TXNRD2: variants seen among roughly 807,000 people sequenced by gnomAD.
TXNRD2 encodes the protein thioredoxin reductase 2.
In TXNRD2, 67 loss-of-function variants were observed where a neutral mutation model predicts 70.8. That is an observed-to-expected ratio of 0.95 (90% CI 0.78 to 1.16). The LOEUF is 1.16. Among genes scored for constraint, TXNRD2 ranks in the 50% most tolerant of loss-of-function variants. TXNRD2 has a pLI of 0.00. For synonymous variants in TXNRD2, 301 were observed against 295.8 expected (o/e 1.02, Z -0.18); for missense variants, 644 against 719.9 (o/e 0.89, Z 1.21).
Position 19,922,769 on chromosome 22 carries a change from C to T in TXNRD2, c.173-3170G>A, listed in dbSNP as rs763803378. 4.5e-4 allele frequency among the ~76,000 whole-genome samples: 68 copies of T among 152,270 alleles called. No homozygotes were observed. In the Middle Eastern group the frequency reaches 0.02, roughly 46 times the overall value. On this transcript the variant is annotated intron_variant, in intron 2 of 17. Transcript: ENST00000400521. ...TGGCGTGATCTTGGCTCACTGCAAC[C>T]TCCACCTCCTGGGTTCAAGCGATTC...
rs574237075 is a variant in TXNRD2 at position 19,904,614 on chromosome 22, C to T, written c.663-5546G>A. On this transcript the variant is annotated intron_variant, in intron 8 of 17. Transcript: ENST00000400521. ...CTCCCGGCAGTGGGCCCCACACAGA[C>T]GTGCGCTGAAAGGAGTTCCTGGTGG... is the stretch of plus-strand genomic sequence containing the variant. 5.9e-4 allele frequency among the ~76,000 whole-genome samples: 90 copies of T among 152,378 alleles called. 3 individuals carry two copies. The South Asian group carries it at 0.017, about 28-fold the overall frequency.
At chr22:19,931,197 A>T in intron 1 of TXNRD2, 99 bp from the exon 2 acceptor site, 3 of 1,067,440 alleles carry the variant, frequency 2.8e-6, no homozygotes, top group Non-Finnish European at 4.3e-6. Flanking sequence ...TGTGATGGTC[A>T]GGGGTGACAA....
At chr22:19,884,939 G>GCAGTTTT (rs1938956504) in intron 11 of TXNRD2, among the ~76,000 whole-genome samples, 1 of 152,170 alleles carries the variant, frequency 6.6e-6, no homozygotes, top group African/African-American at 2.4e-5. Context: ...GAGCTAAGGG[G>GCAGTTTT]CAGTGTCCAA....
chr22:19,885,486 C>G (rs1465655461), intron 11 of TXNRD2, among the ~76,000 whole-genome samples: 1 of 152,234 alleles, frequency 6.6e-6, no homozygotes, highest in African/African-American at 2.4e-5. Flanking sequence ...GTGCTCTGCT[C>G]AGCCGCAGGA....
At position 19,927,492 on chromosome 22, in the gene TXNRD2, C is replaced by G. The variant is rs78332651; in HGVS notation, c.172+3538G>C. On this transcript the variant is annotated intron_variant, in intron 2 of 17. Coordinates refer to ENST00000400521, the MANE Select transcript of TXNRD2 (RefSeq NM_006440.5). ...AACATAGCGAAACCCACCTTCTCCA[C>G]CAAAAAAATACAAAAAGTAGCTGGG... Among the ~76,000 whole-genome samples the G allele has an allele frequency of 6.6e-4, 97 of 147,570 alleles. No homozygotes were observed. In the East Asian group the frequency reaches 0.019, roughly 29 times the overall value.
At chr22:19,922,946 C>G (rs1940972719) in intron 2 of TXNRD2, among the ~76,000 whole-genome samples, 1 of 151,740 alleles carries the variant, frequency 6.6e-6, no homozygotes, top group African/African-American at 2.4e-5. Context: ...CTCGGCCTCC[C>G]AAAGTGCTGG....
At position 19,919,011 on chromosome 22, in the gene TXNRD2, C is replaced by T. The variant is rs768129418; in HGVS notation, c.230-7G>A. On this transcript the variant is annotated splice_region_variant and splice_polypyrimidine_tract_variant and intron_variant, in intron 3 of 17. Transcript: ENST00000400521. ...CCGAGGCCCCACCGGGTGCCTGGGA[C>T]GTGGGAAGAGCACATTTGAATTTAT... is the stretch of plus-strand genomic sequence containing the variant. 1.0e-5 allele frequency: 16 copies of T among 1,607,288 alleles called. No homozygotes were observed. The East Asian group carries it at 2.2e-4, about 22-fold the overall frequency.
At chr22:19,915,055 G>T (rs1940571977) in intron 7 of TXNRD2, 159 bp downstream of exon 7, 1 of 729,856 alleles carries the variant, frequency 1.4e-6, no homozygotes, top group African/African-American at 1.7e-5. Context: ...CAGCAGTGTG[G>T]ATTCAAGAGA....
chr22:19,937,285 TAACA>T (rs892770712), intron 1 of TXNRD2, among the ~76,000 whole-genome samples: 1 of 152,150 alleles, frequency 6.6e-6, no homozygotes, highest in Non-Finnish European at 1.5e-5. Flanking sequence ...ACGGAACAAG[TAACA>T]AAGGTGTGTA....
chr22:19,909,889 A>ACACCCTACCCACACACACCACT (rs1940310104), intron 8 of TXNRD2, among the ~76,000 whole-genome samples: 1 of 40,008 alleles, frequency 2.5e-5, no homozygotes, highest in Non-Finnish European at 3.7e-5. Context: ...CACACCACTC[A>ACACCCTACCCACACACACCACT]CACACACACA....
intron 1 of TXNRD2, among the ~76,000 whole-genome samples, chr22:19,939,106 C>T (rs915306800): frequency 3.3e-5 from 5 of 152,274 alleles, no homozygotes; most frequent in Middle Eastern, 3.4e-3. Context: ...TCAATCCCGT[C>T]TGGGTGCCCA....
chr22:19,896,598 T>C (rs1939517710), intron 10 of TXNRD2, among the ~76,000 whole-genome samples: 1 of 151,930 alleles, frequency 6.6e-6, no homozygotes, highest in African/African-American at 2.4e-5. Flanking sequence ...ACAGAGAGAG[T>C]CCTGCTTCTC....
chr22:19,899,111 C>T, intron 8 of TXNRD2, 43 bp from the exon 9 acceptor site: 5 of 1,605,996 alleles, frequency 3.1e-6, no homozygotes, highest in Non-Finnish European at 4.2e-6. Context: ...AGCTGAGGCC[C>T]TTATTGACCA....
chr22:19,878,499 G>A, intron 14 of TXNRD2, 62 bp from the exon 15 acceptor site: 1 of 1,435,166 alleles, frequency 7.0e-7, no homozygotes, highest in East Asian at 2.3e-5. Context: ...GGCACCTGCA[G>A]CTCCCACAGG....
At chr22:19,924,316 C>T (rs1941035984) in intron 2 of TXNRD2, among the ~76,000 whole-genome samples, 1 of 152,142 alleles carries the variant, frequency 6.6e-6, no homozygotes. Flanking sequence ...TCATCTTCAT[C>T]CTTTATAGCC....
intron 13 of TXNRD2, 123 bp from the exon 14 acceptor site, chr22:19,880,394 G>T: frequency 9.3e-7 from 1 of 1,074,646 alleles, no homozygotes; most frequent in Non-Finnish European, 1.4e-6. Flanking sequence ...CAGGCTGCAA[G>T]CACAGTAGGC....
At chr22:19,901,004 C>T (rs912855599) in intron 8 of TXNRD2, among the ~76,000 whole-genome samples, 3 of 152,224 alleles carry the variant, frequency 2.0e-5, no homozygotes, top group Non-Finnish European at 2.9e-5. Flanking sequence ...GCCTTCCTGG[C>T]CCTGAAGGCC....
At chr22:19,895,373 C>T in intron 11 of TXNRD2, 34 bp downstream of exon 11, 4 of 1,613,430 alleles carry the variant, frequency 2.5e-6, no homozygotes, top group Non-Finnish European at 3.4e-6. Context: ...TCGGGGAGAC[C>T]AGAGACAGAG....
intron 15 of TXNRD2, 55 bp downstream of exon 15, chr22:19,878,311 G>A (rs1307191522): frequency 1.9e-6 from 3 of 1,604,500 alleles, no homozygotes; most frequent in East Asian, 2.2e-5. Flanking sequence ...ACCCTGCCAG[G>A]CTCTTTGCCA....
Sources: allele counts gnomAD v4.1 joint callset (sites outside exome capture counted in the v4.1 genomes callset), GRCh38; gene constraint gnomAD v4.1.1; transcripts MANE v1.5; gene names NCBI Gene and HGNC (gene_info 2026-07-23, HGNC 2026-07-21).